The following VTA1 variants were observed in gnomAD, a reference collection of about 807,000 sequenced individuals.
VTA1 encodes the protein vacuolar protein sorting-associated protein VTA1 homolog.
In VTA1, 24 loss-of-function variants were observed where a neutral mutation model predicts 36.9. The ratio of observed to expected loss-of-function variants is 0.65; its 90% CI spans 0.47 to 0.91. VTA1 has a LOEUF of 0.91. VTA1 is among the 40% of genes least tolerant of loss of function. The pLI is 0.00. For synonymous variants in VTA1, 142 were observed against 130.2 expected, an observed-to-expected ratio of 1.09 and a Z score of -0.62; for missense variants, 393 against 377.2, an observed-to-expected ratio of 1.04 and a Z score of -0.35.
chr6:142,200,989 A>G (rs1342150294), intron 6 of VTA1, among the ~76,000 whole-genome samples: 3 of 151,946 alleles, frequency 2.0e-5, no homozygotes, highest in African/African-American at 7.2e-5. Flanking sequence ...TAAGAAAACA[A>G]ACATACCCAG....
At chr6:142,210,474 C>A (rs9403372) in intron 7 of VTA1, among the ~76,000 whole-genome samples, 8,913 of 152,186 alleles carry the variant, frequency 0.059, 1,070 homozygotes, top group East Asian at 0.56. Flanking sequence ...AGGAAAAAAT[C>A]AACAAAGTGA....
rs1776137585 is a variant in VTA1 at position 142,222,941 on chromosome 6, C to A, written c.*4298C>A. 6.6e-6 allele frequency: 1 copy of A among 152,192 alleles called. No homozygotes were observed. The highest frequency in any genetic ancestry group is 1.5e-5 in the Non-Finnish European group (1 of 68,034). The allele number at this position is 152,192 out of a possible 1,614,324, so 9.4% of individuals were successfully genotyped here. On this transcript the variant is annotated 3_prime_UTR_variant, in exon 8 of 8. Transcript: ENST00000367630. The stretch of plus-strand genomic sequence containing the variant: ...ATGAGGAAAGGGAGCCACAGAGTAA[C>A]AAATTTGCCTAAGGTAACACAGCTA...
intron 7 of VTA1, among the ~76,000 whole-genome samples, chr6:142,210,633 A>C (rs1284609626): frequency 6.6e-6 from 1 of 152,204 alleles, no homozygotes; most frequent in Non-Finnish European, 1.5e-5. Context: ...AACATTTCGT[A>C]TATGAAGAAA....
At chr6:142,170,470 T>C in intron 4 of VTA1, 49 bp downstream of exon 4, 3 of 1,265,434 alleles carry the variant, frequency 2.4e-6, no homozygotes, top group Non-Finnish European at 3.3e-6. Flanking sequence ...CAGTAATGTT[T>C]CTGTTTATCA....
intron 7 of VTA1, among the ~76,000 whole-genome samples, chr6:142,211,198 G>GA (rs1582905726): frequency 1.3e-5 from 2 of 150,458 alleles, no homozygotes; most frequent in East Asian, 1.9e-4. Context: ...GATGAAAGTG[G>GA]AAAAAAAAGA....
intron 6 of VTA1, chr6:142,198,836 C>G (rs1363170701): frequency 2.9e-6 from 1 of 346,086 alleles, no homozygotes; most frequent in African/African-American, 2.1e-5. Context: ...GCATTGATTA[C>G]TCTTAACCTT....
At chr6:142,170,323 G>GA in intron 3 of VTA1, 23 bp from the exon 4 acceptor site, 1 of 1,404,466 alleles carries the variant, frequency 7.1e-7, no homozygotes, top group South Asian at 1.2e-5. Context: ...ATTTAAACTA[G>GA]ACCGCTCTCT....
rs985706203 is a variant in VTA1 at position 142,218,678 on chromosome 6, T to C, written c.*35T>C. On this transcript the variant is annotated 3_prime_UTR_variant, in exon 8 of 8. Transcript: ENST00000367630. ...ATGACAGACCCATGTATTTTTGGCA[T>C]GAGGAACTAACAGTCCATTACTCTA... 2 of 1,581,770 alleles carry C rather than the reference T, an allele frequency of 1.3e-6. No homozygotes were observed. The highest frequency in any genetic ancestry group is 1.7e-6 in the Non-Finnish European group (2 of 1,168,712).
intron 5 of VTA1, among the ~76,000 whole-genome samples, chr6:142,195,033 A>T (rs1775519548): frequency 6.6e-6 from 1 of 152,048 alleles, no homozygotes; most frequent in South Asian, 2.1e-4. Flanking sequence ...TTTGATTCTG[A>T]TACTAAGAAT....
At chr6:142,177,903 G>C (rs1775156201) in intron 4 of VTA1, among the ~76,000 whole-genome samples, 1 of 152,068 alleles carries the variant, frequency 6.6e-6, no homozygotes, top group Admixed American at 6.6e-5. Flanking sequence ...TATTTACTTT[G>C]TATTTAGATG....
At chr6:142,199,517 C>T (rs1426423015) in intron 6 of VTA1, among the ~76,000 whole-genome samples, 1 of 152,038 alleles carries the variant, frequency 6.6e-6, no homozygotes, top group East Asian at 1.9e-4. Context: ...TTCTACTGTT[C>T]CTATTATGTA....
chr6:142,215,588 G>A (rs1259913482), intron 7 of VTA1, among the ~76,000 whole-genome samples: 1 of 152,142 alleles, frequency 6.6e-6, no homozygotes, highest in Non-Finnish European at 1.5e-5. Flanking sequence ...CTGTATGTAT[G>A]AAGGTTCAGT....
rs1041751060 is a variant in VTA1 at position 142,147,487 on chromosome 6, GC to G, written c.112+94del. 8 of 1,315,140 alleles carry G rather than the reference GC, an allele frequency of 6.1e-6. No homozygotes were observed. The African/African-American group carries it at 8.8e-5, about 14-fold the overall frequency. The allele number at this position is 1,315,140 out of a possible 1,614,324, so 81.5% of individuals were successfully genotyped here. ...CCCTGAGGTTCTTGGGGCATGCCCCGCCCCCCTCGCTTTAAACCTGAGCTTT... is the reference window on the plus strand; with the variant it reads ...CCCTGAGGTTCTTGGGGCATGCCCCGCCCCCTCGCTTTAAACCTGAGCTTT... On this transcript the variant is annotated intron_variant, in intron 1 of 7. Coordinates refer to ENST00000367630, the MANE Select transcript of VTA1 (RefSeq NM_016485.5).
chr6:142,221,018 C>G lies in VTA1; in HGVS notation c.*2375C>G, dbSNP rs767139125. 2 of 152,178 alleles carry G rather than the reference C, an allele frequency of 1.3e-5. No homozygotes were observed. The highest frequency in any genetic ancestry group is 1.9e-4 in the East Asian group (1 of 5,186). 9.4% of individuals were successfully genotyped at this position (152,178 alleles called of 1,614,324 possible). ...CACCTGTCCTACCCAATCAGAAACT[C>G]TAGGGATGGGTCCCAGCCTTCTGAG... On this transcript the variant is annotated 3_prime_UTR_variant, in exon 8 of 8. Transcript: ENST00000367630.
intron 1 of VTA1, among the ~76,000 whole-genome samples, chr6:142,152,410 T>C (rs994903498): frequency 2.0e-5 from 3 of 152,102 alleles, no homozygotes. Context: ...ATTTAAAGAA[T>C]TTGGTGATTT....
At chr6:142,153,612 CTTTTG>C (rs1210304094) in intron 1 of VTA1, among the ~76,000 whole-genome samples, 1 of 151,744 alleles carries the variant, frequency 6.6e-6, no homozygotes, top group Admixed American at 6.6e-5. Flanking sequence ...GTTGGTTGGT[CTTTTG>C]TTTTCTTTTT....
intron 6 of VTA1, 146 bp from the exon 7 acceptor site, chr6:142,203,839 A>G (rs1487567673): frequency 1.6e-6 from 1 of 634,630 alleles, no homozygotes; most frequent in Non-Finnish European, 2.8e-6. Flanking sequence ...CTCCAACATC[A>G]ACTAAGTATG....
chr6:142,218,614 C>G lies in VTA1; in HGVS notation c.895C>G (p.Leu299Val). The change falls in exon 8 of 8, where the codon CTC becomes GTC. Residue 299 changes from leucine (L) to valine (V), a missense_variant. By Grantham distance (32) the Leu-to-Val change is conservative. Transcript: ENST00000367630. Reference sequence around the variant, plus strand: ...TGCTGTCCAGAATCTACAAAAGGCTCTCAAGTTACTGACGACAGGCAGAGA... The same window carrying G: ...TGCTGTCCAGAATCTACAAAAGGCTGTCAAGTTACTGACGACAGGCAGAGA... ...STAVQNLQKA[L>V]KLLTTGRE is the part of the protein sequence containing the mutation. The G allele has an allele frequency of 6.2e-7, 1 of 1,611,008 alleles. No homozygotes were observed. Among genetic ancestry groups the G allele is most frequent in the Non-Finnish European group, 8.5e-7 (1 of 1,179,070 alleles).
At chr6:142,181,322 A>T (rs2114656867) in intron 4 of VTA1, among the ~76,000 whole-genome samples, 1 of 147,664 alleles carries the variant, frequency 6.8e-6, no homozygotes, top group South Asian at 2.1e-4. Context: ...TTTAGTAGAG[A>T]TGGGGTTTCA....
Sources: gnomAD v4.1 joint callset for allele counts (sites outside exome capture counted in the v4.1 genomes callset) on GRCh38, gnomAD v4.1.1 for gene constraint, MANE v1.5 for transcripts, NCBI Gene and HGNC (gene_info 2026-07-23, HGNC 2026-07-21) for gene names.